The following ZNF534 variants were observed in gnomAD, a reference collection of about 807,000 sequenced individuals.
The protein encoded by ZNF534 is zinc finger protein 534.
In ZNF534, 19 loss-of-function variants were observed where a neutral mutation model predicts 13.6. The observed-to-expected ratio is 1.40, with a 90% CI of 0.97 to 2.05. The LOEUF is 2.05. Ranked by LOEUF, ZNF534 falls within the 30% of genes most tolerant of loss-of-function variation. The pLI is 0.00. For missense variants in ZNF534, 782 were observed against 796.3 expected, an observed-to-expected ratio of 0.98 and a Z score of 0.22; for synonymous variants, 244 against 273.8, an observed-to-expected ratio of 0.89 and a Z score of 1.07.
At chr19:52,450,789 C>T (rs1417199842) in intron 4 of ZNF534, among the ~76,000 whole-genome samples, 1 of 147,094 alleles carries the variant, frequency 6.8e-6, no homozygotes, top group African/African-American at 2.5e-5. Flanking sequence ...CAGGCTCAAG[C>T]GATTCACCTG....
intron 3 of ZNF534, 112 bp downstream of exon 3, chr19:52,434,193 T>C: frequency 6.7e-7 from 1 of 1,489,278 alleles, no homozygotes; most frequent in African/African-American, 1.4e-5. Flanking sequence ...TTGAAACCTG[T>C]TGACTAAGAA....
chr19:52,442,581 C>G (rs746459124), downstream of ZNF534, among the ~76,000 whole-genome samples: 4 of 152,198 alleles, frequency 2.6e-5, no homozygotes, highest in Non-Finnish European at 4.4e-5. Context: ...TCTTTAATTC[C>G]TCTAGCACCG....
Position 52,438,349 on chromosome 19 carries a change from C to T in ZNF534, c.889C>T (p.Pro297Ser). Reference sequence around the variant, plus strand: ...TAGGAAAATTCATACTGGAGAGAAGCCTTACAAATGTAGTGAATGTGGCAA... The same window carrying T: ...TAGGAAAATTCATACTGGAGAGAAGTCTTACAAATGTAGTGAATGTGGCAA... ...QHRKIHTGEK[P>S]YKCSECGKAF... The change falls in exon 5 of 5, where the codon CCT becomes TCT. Residue 297 changes from proline (P) to serine (S), a missense_variant. Physicochemically the swap from Pro to Ser is moderately conservative, Grantham distance 74. Transcript: ENST00000433050. The T allele has an allele frequency of 6.2e-7, 1 of 1,613,318 alleles. No individual in the cohort carries two copies. The highest frequency in any genetic ancestry group is 2.2e-5 in the East Asian group (1 of 44,864).
chr19:52,445,395 C>T (rs528265424), downstream of ZNF534, among the ~76,000 whole-genome samples: 63 of 152,190 alleles, frequency 4.1e-4, no homozygotes, highest in African/African-American at 1.3e-3. Flanking sequence ...CGGGGTTTCA[C>T]CATGTTGGCC....
chr19:52,446,119 G>A (rs1310851404), downstream of ZNF534, among the ~76,000 whole-genome samples: 1 of 152,164 alleles, frequency 6.6e-6, no homozygotes, highest in Non-Finnish European at 1.5e-5. Context: ...TAATGTGGGT[G>A]CTTGCTCTCT....
Position 52,434,082 on chromosome 19 carries a change from G to T in ZNF534, c.142+1G>T. 6.2e-7 allele frequency: 1 copy of T among 1,613,494 alleles called. No homozygotes were observed. Among genetic ancestry groups the T allele is most frequent in the Non-Finnish European group, 8.5e-7 (1 of 1,179,788 alleles). On this transcript the variant is annotated splice_donor_variant, in intron 3 of 4. Transcript: ENST00000433050. LOFTEE classifies it high-confidence loss of function. ...AACTACAGGAACCTGGTCTCCCTAG[G>T]TGAGGATAATGTCCGTCCAGAAGCC...
At chr19:52,451,553 C>A in exon 5 of ZNF534, 1 of 603,234 alleles carries the variant, frequency 1.7e-6, no homozygotes, top group Non-Finnish European at 2.9e-6. Context: ...GGGCGGCATG[C>A]AGCTCCGCGT....
chr19:52,449,551 A>G (rs181761490), intron 4 of ZNF534, among the ~76,000 whole-genome samples: 145 of 151,340 alleles, frequency 9.6e-4, no homozygotes, highest in African/African-American at 3.4e-3. Context: ...TTTTTTTTGT[A>G]TTTTTGATGA....
chr19:52,433,483 C>A (rs2122664768), intron 2 of ZNF534, among the ~76,000 whole-genome samples: 1 of 152,160 alleles, frequency 6.6e-6, no homozygotes, highest in East Asian at 1.9e-4. Context: ...TCTCCTGCCT[C>A]AGCCTCCTGA....
At chr19:52,432,067 A>G (rs746977157) in intron 2 of ZNF534, among the ~76,000 whole-genome samples, 2 of 151,734 alleles carry the variant, frequency 1.3e-5, no homozygotes, top group Non-Finnish European at 2.9e-5. Context: ...ATATATATAT[A>G]TATTTTTATC....
intron 4 of ZNF534, among the ~76,000 whole-genome samples, chr19:52,448,966 T>C (rs986458000): frequency 9.2e-5 from 14 of 152,086 alleles, no homozygotes; most frequent in African/African-American, 3.1e-4. Context: ...TTCCTTCTGG[T>C]TTTTTTTGGT....
At chr19:52,451,423 C>T in exon 5 of ZNF534, 1 of 711,466 alleles carries the variant, frequency 1.4e-6, no homozygotes, top group South Asian at 1.5e-5. Flanking sequence ...CGCCCCTCGG[C>T]CGCGCAGTGC....
intron 2 of ZNF534, among the ~76,000 whole-genome samples, chr19:52,432,486 ATTCT>A (rs2059094158): frequency 6.6e-6 from 1 of 152,132 alleles, no homozygotes; most frequent in Non-Finnish European, 1.5e-5. Flanking sequence ...GGAGCAGATT[ATTCT>A]TTCATTGGCT....
At chr19:52,448,651 A>G (rs1355893671) in intron 4 of ZNF534, among the ~76,000 whole-genome samples, 1 of 152,200 alleles carries the variant, frequency 6.6e-6, no homozygotes, top group Non-Finnish European at 1.5e-5. Context: ...GTTTTATATA[A>G]TCAGGTAAGA....
chr19:52,449,567 A>G (rs954638956), intron 4 of ZNF534, among the ~76,000 whole-genome samples: 6 of 152,062 alleles, frequency 3.9e-5, no homozygotes, highest in African/African-American at 9.7e-5. Flanking sequence ...GATGATAGCC[A>G]TTCTAACTGA....
chr19:52,446,839 C>G (rs1568449366), downstream of ZNF534, among the ~76,000 whole-genome samples: 1 of 152,176 alleles, frequency 6.6e-6, no homozygotes, highest in Non-Finnish European at 1.5e-5. Flanking sequence ...GACTGGGTGA[C>G]AGAGCAAGAT....
At chr19:52,435,386 G>A (rs2059122326) in intron 4 of ZNF534, among the ~76,000 whole-genome samples, 177 bp downstream of exon 4, 1 of 152,314 alleles carries the variant, frequency 6.6e-6, no homozygotes, top group South Asian at 2.1e-4. Context: ...ACAGGCTTGA[G>A]CCACTATACT....
intron 2 of ZNF534, among the ~76,000 whole-genome samples, chr19:52,433,132 A>G (rs369863115): frequency 6.3e-4 from 93 of 148,732 alleles, no homozygotes; most frequent in African/African-American, 2.3e-3. Context: ...AGTCCCAGCT[A>G]CTCGGGAGGC....
At chr19:52,431,102 C>T (rs1351756640) in intron 1 of ZNF534, among the ~76,000 whole-genome samples, 4 of 152,088 alleles carry the variant, frequency 2.6e-5, no homozygotes, top group African/African-American at 9.7e-5. Flanking sequence ...CTGCCCACCT[C>T]GGCCTCCCAA....
Sources: gnomAD v4.1 joint callset for allele counts (sites outside exome capture counted in the v4.1 genomes callset) on GRCh38, gnomAD v4.1.1 for gene constraint, MANE v1.5 for transcripts, NCBI Gene and HGNC (gene_info 2026-07-23, HGNC 2026-07-21) for gene names.